THSD4: variants seen among roughly 807,000 people sequenced by gnomAD.
The protein encoded by THSD4 is thrombospondin type 1 domain containing 4.
Under a neutral mutation model 119.0 loss-of-function variants are expected in THSD4, and 69 were observed. The ratio of observed to expected loss-of-function variants is 0.58; its 90% confidence interval spans 0.48 to 0.71. The LOEUF (loss-of-function observed/expected upper bound fraction) is 0.71. THSD4 is among the 30% of genes least tolerant of loss of function. The pLI is 0.00. For synonymous variants in THSD4, 524 were observed against 540.4 expected (o/e 0.97, Z 0.42); for missense variants, 1,393 against 1,391.1 (o/e 1.00, Z -0.02).
At chr15:71,619,337 C>T (rs1018902817) in intron 7 of THSD4, among the ~76,000 whole-genome samples, 1 of 152,044 alleles carries the variant, frequency 6.6e-6, no homozygotes, top group East Asian at 1.9e-4. Flanking sequence ...AGAGCCAAAC[C>T]AGGATTTAAA....
intron 7 of THSD4, among the ~76,000 whole-genome samples, chr15:71,624,573 C>T (rs1200393993): frequency 6.6e-6 from 1 of 152,072 alleles, no homozygotes; most frequent in Non-Finnish European, 1.5e-5. Flanking sequence ...TAATTGAAAC[C>T]CTGTGTTTTG....
At chr15:71,513,256 G>A (rs760681542) in intron 7 of THSD4, among the ~76,000 whole-genome samples, 19 of 152,196 alleles carry the variant, frequency 1.2e-4, no homozygotes, top group Admixed American at 1.1e-3. Context: ...TACATAGCGG[G>A]ATTGTTACTT....
At chr15:71,247,909 AG>A (rs1167562610) in intron 5 of THSD4, among the ~76,000 whole-genome samples, 31 of 152,330 alleles carry the variant, frequency 2.0e-4, no homozygotes, top group African/African-American at 6.5e-4. Context: ...CAACAGAGGA[AG>A]GAGAAATCAA....
At chr15:71,586,128 T>C (rs1017176214) in intron 7 of THSD4, among the ~76,000 whole-genome samples, 11 of 152,222 alleles carry the variant, frequency 7.2e-5, no homozygotes, top group African/African-American at 2.7e-4. Context: ...GGTGTCATTT[T>C]TGCCTGATTC....
intron 7 of THSD4, among the ~76,000 whole-genome samples, chr15:71,572,229 G>T (rs537195835): frequency 1.3e-5 from 2 of 152,180 alleles, no homozygotes; most frequent in Admixed American, 6.5e-5. Context: ...TTCCAGTTGG[G>T]TGAGAGTAGC....
At chr15:71,397,506 A>G (rs2046469210) in intron 6 of THSD4, among the ~76,000 whole-genome samples, 1 of 152,198 alleles carries the variant, frequency 6.6e-6, no homozygotes, top group Non-Finnish European at 1.5e-5. Flanking sequence ...TAATTTGCTT[A>G]TTTCTAGATC....
intron 6 of THSD4, among the ~76,000 whole-genome samples, chr15:71,295,447 C>T (rs2044849854): frequency 6.6e-6 from 1 of 152,146 alleles, no homozygotes; most frequent in African/African-American, 2.4e-5. Context: ...TGGGGACTGA[C>T]TCATTGAGAT....
At chr15:71,759,366 G>A (rs976925994) in intron 15 of THSD4, among the ~76,000 whole-genome samples, 7 of 152,234 alleles carry the variant, frequency 4.6e-5, no homozygotes, top group African/African-American at 1.7e-4. Context: ...TCTGGCTCTA[G>A]GTGAGTGATT....
At chr15:71,414,539 T>G (rs896256328) in intron 7 of THSD4, among the ~76,000 whole-genome samples, 4 of 152,116 alleles carry the variant, frequency 2.6e-5, no homozygotes. Flanking sequence ...GGGACATTGA[T>G]TAAAATATAG....
chr15:71,377,124 T>C (rs1566961007), intron 6 of THSD4, among the ~76,000 whole-genome samples: 1 of 152,182 alleles, frequency 6.6e-6, no homozygotes, highest in Non-Finnish European at 1.5e-5. Context: ...GGAATCAATG[T>C]GGCAGGATGG....
rs184917041 is a variant in THSD4 at position 71,342,773 on chromosome 15, T to C, written c.1016-68914T>C. ...ACAGCAGCTGATGGGGGTCCTTGGATACCAACTAGATGTCTTCTTTCTTGT... is the reference window on the plus strand; with the variant it reads ...ACAGCAGCTGATGGGGGTCCTTGGACACCAACTAGATGTCTTCTTTCTTGT... On this transcript the variant is annotated intron_variant, in intron 6 of 17. Coordinates refer to ENST00000261862, the MANE Select transcript of THSD4 (RefSeq NM_024817.3). 121 of 152,406 alleles carry C rather than the reference T, an allele frequency of 7.9e-4. 1 individual carries two copies. The highest frequency in any genetic ancestry group is 1.5e-4 in the Non-Finnish European group (10 of 68,086). The allele number at this position is 152,406 out of a possible 1,614,324, so 9.4% of individuals were successfully genotyped here.
At chr15:71,579,078 C>T (rs1490625091) in intron 7 of THSD4, among the ~76,000 whole-genome samples, 2 of 151,666 alleles carry the variant, frequency 1.3e-5, no homozygotes, top group Non-Finnish European at 2.9e-5. Context: ...CTCCTGACCT[C>T]GTGATCCACC....
intron 6 of THSD4, among the ~76,000 whole-genome samples, chr15:71,306,222 C>T (rs2045023806): frequency 7.4e-6 from 1 of 135,766 alleles, no homozygotes; most frequent in South Asian, 2.3e-4. Context: ...AGGAGAATCA[C>T]TTGAACGTGG....
At chr15:71,126,201 T>TA (rs1012265618) in intron 1 of THSD4, among the ~76,000 whole-genome samples, 14 of 152,270 alleles carry the variant, frequency 9.2e-5, no homozygotes, top group Non-Finnish European at 1.6e-4. Context: ...TCAGGGCTCT[T>TA]ACCACCACCC....
At chr15:71,459,346 GTCTCTCTC>G (rs57397281) in intron 7 of THSD4, among the ~76,000 whole-genome samples, 8 of 120,980 alleles carry the variant, frequency 6.6e-5, no homozygotes, top group African/African-American at 1.5e-4. Flanking sequence ...CTGTCTCTCT[GTCTCTCTC>G]TCTCTCTCTG....
intron 6 of THSD4, among the ~76,000 whole-genome samples, chr15:71,302,384 C>G (rs1330229681): frequency 6.6e-6 from 1 of 152,166 alleles, no homozygotes; most frequent in African/African-American, 2.4e-5. Context: ...TGAGCCAGAA[C>G]ACACAGCTGG....
intron 7 of THSD4, among the ~76,000 whole-genome samples, chr15:71,598,156 G>A (rs1031610360): frequency 3.3e-5 from 5 of 152,218 alleles, no homozygotes; most frequent in South Asian, 2.1e-4. Context: ...GAAAGGCTTC[G>A]CCGAGCCAGT....
chr15:71,322,732 G>A (rs1463669475), intron 6 of THSD4, among the ~76,000 whole-genome samples: 1 of 151,912 alleles, frequency 6.6e-6, no homozygotes, highest in Non-Finnish European at 1.5e-5. Context: ...TCTCCACATG[G>A]GCCTCTCCAC....
chr15:71,324,124 G>A (rs1046194771), intron 6 of THSD4, among the ~76,000 whole-genome samples: 1 of 151,526 alleles, frequency 6.6e-6, no homozygotes, highest in Non-Finnish European at 1.5e-5. Flanking sequence ...GGTATACTCT[G>A]TATCTGTTTA....
Sources: allele counts gnomAD v4.1 joint callset (sites outside exome capture counted in the v4.1 genomes callset), GRCh38; gene constraint gnomAD v4.1.1; transcripts MANE v1.5; gene names NCBI Gene and HGNC (gene_info 2026-07-23, HGNC 2026-07-21).